The following TLL1 variants were observed in gnomAD, a reference collection of about 807,000 sequenced individuals.
TLL1 encodes tolloid-like protein 1.
TLL1 carries 49 observed loss-of-function variants against 128.2 expected under a neutral mutation model. That is an observed-to-expected ratio of 0.38 (90% confidence interval 0.30 to 0.48). The LOEUF is 0.48. Ranked by LOEUF, TLL1 falls within the 20% of genes least tolerant of loss-of-function variation. TLL1 has a pLI of 0.96. For missense variants in TLL1, 1,123 were observed against 1,242.0 expected, an observed-to-expected ratio of 0.90 and a Z score of 1.44; for synonymous variants, 454 against 418.8, an observed-to-expected ratio of 1.08 and a Z score of -1.03.
At chr4:165,974,139 T>TTTTG in intron 1 of TLL1, among the ~76,000 whole-genome samples, 1 of 108,330 alleles carries the variant, frequency 9.2e-6, no homozygotes, top group African/African-American at 4.9e-5. Flanking sequence ...TCATCTTTTT[T>TTTTG]TTTTTTTTTT....
intron 1 of TLL1, among the ~76,000 whole-genome samples, chr4:165,896,518 T>C (rs1731688447): frequency 6.8e-6 from 1 of 146,554 alleles, no homozygotes. Context: ...AGTCTCACTC[T>C]GTCACCCAGA....
intron 5 of TLL1, among the ~76,000 whole-genome samples, chr4:166,001,477 A>G (rs1450677556): frequency 1.3e-5 from 2 of 152,020 alleles, no homozygotes; most frequent in African/African-American, 2.4e-5. Flanking sequence ...TGGAACTTCT[A>G]TATTTTGGAT....
Position 166,059,989 on chromosome 4 carries a change from C to T in TLL1, c.1847-39C>T, listed in dbSNP as rs376934991. On this transcript the variant is annotated intron_variant, in intron 14 of 20. Coordinates refer to ENST00000061240, the MANE Select transcript of TLL1 (RefSeq NM_012464.5). Reference sequence around the variant, plus strand: ...ACAGGTGCTAAGAAGTGGGTGACTTCATGGGGAGAATATACCTTTTTCTTT... The same window carrying T: ...ACAGGTGCTAAGAAGTGGGTGACTTTATGGGGAGAATATACCTTTTTCTTT... The T allele has an allele frequency of 4.8e-5, 77 of 1,611,362 alleles. No homozygotes were observed. The East Asian group carries it at 4.9e-4, about 10-fold the overall frequency.
intron 2 of TLL1, 54 bp from the exon 3 acceptor site, chr4:165,992,750 T>C: frequency 6.6e-7 from 1 of 1,524,386 alleles, no homozygotes; most frequent in Non-Finnish European, 9.1e-7. Flanking sequence ...TGTTTTTTAT[T>C]TGCAAGAACT....
chr4:165,974,388 C>CA (rs1168940458), intron 1 of TLL1, among the ~76,000 whole-genome samples: 2 of 130,808 alleles, frequency 1.5e-5, no homozygotes, highest in African/African-American at 9.2e-5. Context: ...GATCCGCCCG[C>CA]CTCGGCCTCC....
intron 1 of TLL1, among the ~76,000 whole-genome samples, chr4:165,890,723 C>T (rs571272843): frequency 6.6e-6 from 1 of 152,336 alleles, no homozygotes; most frequent in South Asian, 2.1e-4. Context: ...CCTTAATGGG[C>T]TGGCATTGAG....
intron 9 of TLL1, among the ~76,000 whole-genome samples, chr4:166,033,619 T>C (rs1738870138): frequency 6.6e-6 from 1 of 152,168 alleles, no homozygotes; most frequent in Non-Finnish European, 1.5e-5. Context: ...ATAAGTATGG[T>C]TAAAATGGTA....
intron 8 of TLL1, among the ~76,000 whole-genome samples, chr4:166,015,378 T>C (rs1221483393): frequency 6.6e-6 from 1 of 152,034 alleles, no homozygotes; most frequent in Non-Finnish European, 1.5e-5. Flanking sequence ...AATAAAACAA[T>C]AACTATAAAA....
chr4:165,981,791 C>T (rs1184026469), intron 1 of TLL1, among the ~76,000 whole-genome samples: 1 of 151,954 alleles, frequency 6.6e-6, no homozygotes. Context: ...CTCCATTTTC[C>T]TTTAGTAAAT....
intron 8 of TLL1, among the ~76,000 whole-genome samples, chr4:166,015,615 G>A (rs188848962): frequency 1.3e-4 from 20 of 151,964 alleles, no homozygotes; most frequent in Middle Eastern, 3.4e-3. Flanking sequence ...ATATGTACTC[G>A]TTGACATATG....
intron 1 of TLL1, among the ~76,000 whole-genome samples, chr4:165,878,620 AG>A (rs1035156051): frequency 9.2e-5 from 14 of 152,120 alleles, no homozygotes; most frequent in African/African-American, 3.1e-4. Context: ...CAAGGTCAAA[AG>A]CTCTTCTTTT....
chr4:165,970,134 T>C (rs1419176755), intron 1 of TLL1, among the ~76,000 whole-genome samples: 1 of 152,200 alleles, frequency 6.6e-6, no homozygotes, highest in Non-Finnish European at 1.5e-5. Flanking sequence ...TGAATTAAGT[T>C]TGTTAAGAAT....
At chr4:165,982,791 A>C (rs1736212040) in intron 1 of TLL1, among the ~76,000 whole-genome samples, 1 of 151,362 alleles carries the variant, frequency 6.6e-6, no homozygotes, top group Admixed American at 6.6e-5. Context: ...GAAAGAGATC[A>C]AGATTTACTC....
intron 10 of TLL1, among the ~76,000 whole-genome samples, chr4:166,041,667 A>G (rs890517240): frequency 7.9e-5 from 12 of 152,152 alleles, no homozygotes; most frequent in African/African-American, 2.9e-4. Context: ...CCACTTTCTT[A>G]GGGTGACTTG....
At chr4:165,893,151 A>G (rs1165380079) in intron 1 of TLL1, among the ~76,000 whole-genome samples, 1 of 152,186 alleles carries the variant, frequency 6.6e-6, no homozygotes, top group Non-Finnish European at 1.5e-5. Context: ...AAATTGAGTT[A>G]TTATATTTCT....
At chr4:166,086,896 G>A (rs374965890) in intron 18 of TLL1, among the ~76,000 whole-genome samples, 2 of 152,170 alleles carry the variant, frequency 1.3e-5, no homozygotes, top group African/African-American at 4.8e-5. Flanking sequence ...TTTATTATGC[G>A]TGTGTGTGTT....
intron 5 of TLL1, among the ~76,000 whole-genome samples, chr4:166,000,051 G>C (rs1737076909): frequency 6.6e-6 from 1 of 152,128 alleles, no homozygotes; most frequent in African/African-American, 2.4e-5. Flanking sequence ...TACCATCTAT[G>C]ACTTATGGAG....
chr4:166,050,307 GTA>G (rs533217020), intron 12 of TLL1, among the ~76,000 whole-genome samples: 30 of 152,162 alleles, frequency 2.0e-4, no homozygotes, highest in Admixed American at 3.9e-4. Flanking sequence ...ATATTCCATT[GTA>G]TGTGTATACC....
intron 1 of TLL1, among the ~76,000 whole-genome samples, chr4:165,932,379 A>G (rs1733569889): frequency 6.6e-6 from 1 of 152,234 alleles, no homozygotes; most frequent in African/African-American, 2.4e-5. Flanking sequence ...AACAGGAAGT[A>G]TTTCTAATAG....
Sources: gnomAD v4.1 joint callset for allele counts (sites outside exome capture counted in the v4.1 genomes callset) on GRCh38, gnomAD v4.1.1 for gene constraint, MANE v1.5 for transcripts, NCBI Gene and HGNC (gene_info 2026-07-23, HGNC 2026-07-21) for gene names.